FRMD8: variants seen among roughly 807,000 people sequenced by gnomAD.
FRMD8 encodes FERM domain-containing protein 8.
In FRMD8, 37 loss-of-function variants were observed where a neutral mutation model predicts 54.2. That is an observed-to-expected ratio of 0.68 (90% CI 0.53 to 0.90). The LOEUF is 0.90. Among genes scored for constraint, FRMD8 ranks in the 40% least tolerant of loss-of-function variants. The pLI is 0.00. For synonymous variants in FRMD8, 246 were observed against 286.9 expected, an observed-to-expected ratio of 0.86 and a Z score of 1.44; for missense variants, 585 against 653.7, an observed-to-expected ratio of 0.89 and a Z score of 1.15.
In FRMD8 at chr11:65,394,160, C is replaced by G. The variant is rs527812043; in HGVS notation, c.414+61C>G. The G allele has an allele frequency of 1.9e-6, 3 of 1,606,380 alleles. No individual in the cohort carries two copies. In the African/African-American group the frequency reaches 4.0e-5, roughly 21 times the overall value. ...GCCCCTTGTGCCCAGCCTCCCTGTCCCTAGACCCCTGGACATTCGCACCTT... is the reference window on the plus strand; with the variant it reads ...GCCCCTTGTGCCCAGCCTCCCTGTCGCTAGACCCCTGGACATTCGCACCTT... On this transcript the variant is annotated intron_variant, in intron 5 of 10. Coordinates refer to ENST00000317568, the MANE Select transcript of FRMD8 (RefSeq NM_031904.5).
chr11:65,392,253 G>T (rs556283901), intron 3 of FRMD8, among the ~76,000 whole-genome samples: 1 of 152,176 alleles, frequency 6.6e-6, no homozygotes, highest in African/African-American at 2.4e-5. Flanking sequence ...AAGGGGGCCC[G>T]TGTGGAGCTG....
chr11:65,373,070 G>GA, the FRMD8 span, among the ~76,000 whole-genome samples: 1 of 152,132 alleles, frequency 6.6e-6, no homozygotes, highest in African/African-American at 2.4e-5. Flanking sequence ...TGGCCAACAT[G>GA]GCAAAACCCC....
At chr11:65,386,965 C>G in intron 1 of FRMD8, 72 bp from the exon 2 acceptor site, 1 of 1,352,802 alleles carries the variant, frequency 7.4e-7, no homozygotes, top group Non-Finnish European at 1.0e-6. Flanking sequence ...CCGTACTCAC[C>G]GAGAGCTTGA....
intron 7 of FRMD8, among the ~76,000 whole-genome samples, chr11:65,398,842 G>A (rs1856008881): frequency 6.6e-6 from 1 of 152,150 alleles, no homozygotes; most frequent in Non-Finnish European, 1.5e-5. Context: ...GGAATTCAAG[G>A]TGGCCCATGC....
chr11:65,404,203 C>T lies in FRMD8; in HGVS notation c.1072-661C>T, dbSNP rs1160447451. Reference sequence around the variant, plus strand: ...TCCTGTCTACTTGGCCTCATCTTATCCCAGGCCTGCAGCAGTGCTTGGCAC... The same window carrying T: ...TCCTGTCTACTTGGCCTCATCTTATTCCAGGCCTGCAGCAGTGCTTGGCAC... On this transcript the variant is annotated intron_variant, in intron 9 of 10. Coordinates refer to ENST00000317568, the MANE Select transcript of FRMD8 (RefSeq NM_031904.5). The surrounding 1 kb of genome is among the most constrained non-coding windows in gnomAD (Gnocchi z 4.7). Among the ~76,000 whole-genome samples the T allele has an allele frequency of 1.3e-5, 2 of 152,184 alleles. No homozygotes were observed. Among genetic ancestry groups the T allele is most frequent in the Non-Finnish European group, 2.9e-5 (2 of 68,012 alleles).
upstream of FRMD8, among the ~76,000 whole-genome samples, chr11:65,386,262 C>G (rs540567520): frequency 2.6e-5 from 4 of 152,280 alleles, no homozygotes; most frequent in East Asian, 5.8e-4. Context: ...CTGCCGAGAG[C>G]GCCACGGTAC....
chr11:65,394,906 G>C (rs1855917439), intron 6 of FRMD8, among the ~76,000 whole-genome samples: 1 of 152,258 alleles, frequency 6.6e-6, no homozygotes, highest in South Asian at 2.1e-4. Flanking sequence ...CAAAGCCCAG[G>C]CCGGTCTCTG....
chr11:65,410,632 T>C (rs887235823), intron 10 of FRMD8, among the ~76,000 whole-genome samples: 36 of 151,192 alleles, frequency 2.4e-4, no homozygotes, highest in Admixed American at 8.5e-4. Context: ...CTACTAAAAA[T>C]ACAAAAAATT....
Position 65,394,248 on chromosome 11 carries a change from C to G in FRMD8, c.415-11C>G. 6.3e-7 allele frequency: 1 copy of G among 1,598,966 alleles called. No individual in the cohort carries two copies. The highest frequency in any genetic ancestry group is 8.5e-7 in the Non-Finnish European group (1 of 1,173,056). ...CAGCTGAGCGGCTGTCCCTGCCACA[C>G]CCCCCTGCAGATCCATGACGAGGAG... On this transcript the variant is annotated splice_polypyrimidine_tract_variant and intron_variant, in intron 5 of 10. Coordinates refer to ENST00000317568, the MANE Select transcript of FRMD8 (RefSeq NM_031904.5).
chr11:65,398,268 G>A (rs1409783606), intron 7 of FRMD8, among the ~76,000 whole-genome samples: 1 of 152,248 alleles, frequency 6.6e-6, no homozygotes, highest in Non-Finnish European at 1.5e-5. Flanking sequence ...ACAGCACTGG[G>A]ATCATACGCA....
At chr11:65,389,278 T>G in intron 2 of FRMD8, 83 bp from the exon 3 acceptor site, 3 of 1,364,004 alleles carry the variant, frequency 2.2e-6, no homozygotes, top group Non-Finnish European at 3.1e-6. Flanking sequence ...CCAGCCCCAG[T>G]GGGTGGTAGA....
chr11:65,386,507 G>C (rs1179882738), upstream of FRMD8: 1 of 155,086 alleles, frequency 6.4e-6, no homozygotes, highest in Non-Finnish European at 1.4e-5. Flanking sequence ...CCACGGGCGT[G>C]ATGAGACACG....
the FRMD8 span, chr11:65,380,434 A>C: frequency 9.6e-7 from 1 of 1,036,494 alleles, no homozygotes; most frequent in Non-Finnish European, 1.4e-6. Flanking sequence ...CCAAGAGGGA[A>C]GAGCCAGCCA....
At chr11:65,369,379 G>C in the FRMD8 span, among the ~76,000 whole-genome samples, 1 of 149,584 alleles carries the variant, frequency 6.7e-6, no homozygotes, top group Non-Finnish European at 1.5e-5. Context: ...AAGCCCAGGA[G>C]TTCAAAAACA....
At chr11:65,379,812 C>G in the FRMD8 span, 4 of 1,596,100 alleles carry the variant, frequency 2.5e-6, no homozygotes, top group East Asian at 8.9e-5. Flanking sequence ...CTGGTACCAA[C>G]AGCCCCAGAT....
chr11:65,396,241 G>A (rs568451730), intron 6 of FRMD8, among the ~76,000 whole-genome samples: 86 of 152,356 alleles, frequency 5.6e-4, no homozygotes, highest in African/African-American at 2.0e-3. Context: ...TGGGGCTGCA[G>A]TGCAGAGGCT....
intron 5 of FRMD8, 23 bp downstream of exon 5, chr11:65,394,122 C>T (rs1488983746): frequency 6.2e-7 from 1 of 1,610,842 alleles, no homozygotes; most frequent in East Asian, 2.2e-5. Flanking sequence ...CCCTGGTGGC[C>T]CCACCAGGCC....
chr11:65,373,582 AATT>A, the FRMD8 span, among the ~76,000 whole-genome samples: 1 of 151,988 alleles, frequency 6.6e-6, no homozygotes, highest in East Asian at 1.9e-4. Flanking sequence ...TCTTTTTAAA[AATT>A]ATTATCATTA....
intron 2 of FRMD8, among the ~76,000 whole-genome samples, chr11:65,388,017 A>T (rs1230938547): frequency 6.6e-6 from 1 of 152,142 alleles, no homozygotes; most frequent in Non-Finnish European, 1.5e-5. Context: ...AATGCAAATT[A>T]GCTGGGCGTG....
Sources: gnomAD v4.1 joint callset for allele counts (sites outside exome capture counted in the v4.1 genomes callset) on GRCh38, gnomAD v4.1.1 for gene constraint, Gnocchi (gnomAD v3.1) non-coding constraint, MANE v1.5 for transcripts, NCBI Gene and HGNC (gene_info 2026-07-23, HGNC 2026-07-21) for gene names.